The following ZNF37A variants were observed in gnomAD, a reference collection of about 807,000 sequenced individuals.
The protein encoded by ZNF37A is zinc finger protein 37a (KOX 21).
A neutral mutation model predicts 12.3 loss-of-function variants in ZNF37A; 10 were observed. The ratio of observed to expected loss-of-function variants is 0.82; its 90% CI spans 0.50 to 1.38. ZNF37A has a LOEUF of 1.38. Ranked by LOEUF, ZNF37A falls within the 40% of genes most tolerant of loss-of-function variation. ZNF37A has a pLI of 0.00. For synonymous variants in ZNF37A, 207 were observed against 223.0 expected (o/e 0.93, Z 0.64); for missense variants, 580 against 651.2 (o/e 0.89, Z 1.19).
chr10:38,149,990 A>G (rs535717384), exon 8 of ZNF37A: 1 of 152,200 alleles, frequency 6.6e-6, no homozygotes, highest in Non-Finnish European at 1.5e-5. Flanking sequence ...TGCCTAGAAA[A>G]GTACCTGGTA....
intron 7 of ZNF37A, chr10:38,117,086 A>G (rs1487364517): frequency 2.7e-6 from 2 of 741,712 alleles, no homozygotes; most frequent in Non-Finnish European, 3.3e-6. Flanking sequence ...TCCAGCCTGG[A>G]TGACAGAGCA....
At chr10:38,149,160 A>G (rs2070294569) in exon 8 of ZNF37A, 1 of 152,128 alleles carries the variant, frequency 6.6e-6, no homozygotes, top group African/African-American at 2.4e-5. Flanking sequence ...ATATTCTAAC[A>G]CAAAATGATA....
intron 7 of ZNF37A, among the ~76,000 whole-genome samples, chr10:38,131,253 T>G (rs191423059): frequency 4.6e-5 from 7 of 152,310 alleles, no homozygotes; most frequent in African/African-American, 1.7e-4. Context: ...TGTCTGTGTT[T>G]TTGGTATCAT....
At chr10:38,133,519 A>G (rs562042230) in intron 7 of ZNF37A, among the ~76,000 whole-genome samples, 4 of 128,382 alleles carry the variant, frequency 3.1e-5, no homozygotes, top group African/African-American at 1.2e-4. Flanking sequence ...CCTGTGTCCA[A>G]GTGTTCTCAT....
In ZNF37A at chr10:38,112,778, T is replaced by TCTTGTCTTG. The variant is rs1554929923; in HGVS notation, c.16-1977_16-1976insCTTGTCTTG. Among the ~76,000 whole-genome samples, 183 of 63,814 alleles carry TCTTGTCTTG rather than the reference T, an allele frequency of 2.9e-3. 31 individuals are homozygous for TCTTGTCTTG. The highest frequency in any genetic ancestry group is 0.01 in the African/African-American group (177 of 17,264). 41.9% of individuals were successfully genotyped at this position (63,814 alleles called of 152,430 possible). On this transcript the variant is annotated intron_variant, in intron 5 of 7. Coordinates refer to ENST00000685332, the MANE Select transcript of ZNF37A (RefSeq NM_001324250.3). ...TTCTTTTCTTTTCTTTTCTTTTCTT[T>TCTTGTCTTG]TCTTTTCTTTTCTTTTCTTGTCTTG...
intron 5 of ZNF37A, among the ~76,000 whole-genome samples, chr10:38,104,579 G>C (rs1213951965): frequency 1.3e-5 from 2 of 151,810 alleles, no homozygotes; most frequent in African/African-American, 2.4e-5. Flanking sequence ...TTACTCTGTG[G>C]AACAACAGAT....
chr10:38,128,672 C>CTTT (rs1376683172), downstream of ZNF37A, among the ~76,000 whole-genome samples: 2 of 152,182 alleles, frequency 1.3e-5, no homozygotes, highest in African/African-American at 2.4e-5. Context: ...ATTCTGGAAT[C>CTTT]TGAGTCAGAG....
intron 5 of ZNF37A, among the ~76,000 whole-genome samples, chr10:38,102,070 C>T (rs574712189): frequency 7.4e-4 from 113 of 151,942 alleles, no homozygotes; most frequent in Non-Finnish European, 1.1e-3. Context: ...CTCCTGACCT[C>T]GTGATCTGCC....
chr10:38,115,336 A>G (rs2069185627), intron 7 of ZNF37A, 46 bp downstream of exon 7: 1 of 1,593,972 alleles, frequency 6.3e-7, no homozygotes, highest in African/African-American at 1.3e-5. Flanking sequence ...GGTAGATCAC[A>G]AAGGGTAAGT....
rs1421453087 is a variant in ZNF37A, at chr10:38,094,685, C to T, written c.-492+195C>T. ...TCTCTTCCCTGAGGTGAAGGATGCC[C>T]GGAGGCCTCCGCAGGACGGCGCAGA... On this transcript the variant is annotated intron_variant, in intron 1 of 7. Transcript: ENST00000685332. 2.6e-5 allele frequency among the ~76,000 whole-genome samples: 4 copies of T among 152,336 alleles called. No homozygotes were observed. In the South Asian group the frequency reaches 8.3e-4, roughly 32 times the overall value.
chr10:38,096,655 G>A (rs566344534), intron 5 of ZNF37A, 23 bp downstream of exon 5: 7 of 1,610,628 alleles, frequency 4.3e-6, no homozygotes, highest in African/African-American at 2.7e-5. Context: ...TTTTTTCACC[G>A]TTTTGCTTAA....
chr10:38,135,204 G>A (rs935392839), intron 7 of ZNF37A, among the ~76,000 whole-genome samples: 13 of 152,098 alleles, frequency 8.5e-5, no homozygotes, highest in Non-Finnish European at 1.9e-4. Flanking sequence ...GGCCAACATT[G>A]TGAAACCCCG....
chr10:38,130,616 A>AT (rs1176874923), intron 7 of ZNF37A, among the ~76,000 whole-genome samples: 4 of 151,790 alleles, frequency 2.6e-5, no homozygotes, highest in African/African-American at 9.7e-5. Flanking sequence ...GTGCACCACC[A>AT]TGCCCAGCTA....
rs1353162387 is a variant in ZNF37A, at chr10:38,117,792, T to G, written c.641T>G (p.Ile214Ser). The G allele has an allele frequency of 6.2e-7, 1 of 1,614,010 alleles. No homozygotes were observed. Among genetic ancestry groups the G allele is most frequent in the Admixed American group, 1.7e-5 (1 of 59,940 alleles). The change falls in exon 8 of 8, where the codon ATT (isoleucine) becomes AGT (serine). Residue 214 changes from isoleucine (I) to serine (S), a missense_variant. By Grantham distance (142) the Ile-to-Ser change is moderately radical. Transcript: ENST00000685332. The stretch of plus-strand genomic sequence containing the variant: ...GGAGAAAATATCTTTGAGGAATCCA[T>G]TCTCCTTGAACATCAGAGTGTTTAC... Reference protein sequence around the residue: ...ECGENIFEESILLEHQSVYPF... With the variant: ...ECGENIFEESSLLEHQSVYPF...
chr10:38,112,793 T>TTCTTG (rs1224905450), intron 5 of ZNF37A, among the ~76,000 whole-genome samples: 694 of 48,670 alleles, frequency 0.014, 84 homozygotes, highest in African/African-American at 0.031. Flanking sequence ...TTCTTTTCTT[T>TTCTTG]TCTTGTCTTG....
chr10:38,133,228 A>G (rs1170486783), intron 7 of ZNF37A, among the ~76,000 whole-genome samples: 1 of 152,062 alleles, frequency 6.6e-6, no homozygotes, highest in East Asian at 1.9e-4. Flanking sequence ...AATTCTGCCT[A>G]TTGTTCTTTG....
intron 7 of ZNF37A, chr10:38,141,409 CCATAAT>C (rs1483978245): frequency 1.3e-5 from 2 of 152,142 alleles, no homozygotes; most frequent in African/African-American, 4.8e-5. Context: ...TCCCTCAAAT[CCATAAT>C]CCTAGTCTAG....
intron 7 of ZNF37A, chr10:38,139,805 C>A (rs890163550): frequency 2.6e-5 from 4 of 152,046 alleles, no homozygotes; most frequent in Non-Finnish European, 4.4e-5. Flanking sequence ...GAAAAAATTC[C>A]ATTGATCTAT....
chr10:38,119,208 C>G lies in ZNF37A; in HGVS notation c.*371C>G, dbSNP rs887109717. ...TTCACAGAATACCTGAGAAGACACA[C>G]TTGGAGAAACCTTTTGGGTGTAATG... On this transcript the variant is annotated 3_prime_UTR_variant, in exon 8 of 8. Transcript: ENST00000685332. The G allele has an allele frequency of 9.8e-7, 1 of 1,020,258 alleles. No individual in the cohort carries two copies. Among genetic ancestry groups the G allele is most frequent in the African/African-American group, 1.7e-5 (1 of 57,516 alleles). The allele number at this position is 1,020,258 out of a possible 1,614,324, so 63.2% of individuals were successfully genotyped here. A position where few individuals can be genotyped will look rare whatever the true frequency, so the allele number is the denominator to read the frequency against.
Sources: gnomAD v4.1 joint callset for allele counts (sites outside exome capture counted in the v4.1 genomes callset) on GRCh38, gnomAD v4.1.1 for gene constraint, MANE v1.5 for transcripts, NCBI Gene and HGNC (gene_info 2026-07-23, HGNC 2026-07-21) for gene names.